HDAC9: variants seen among roughly 807,000 people sequenced by gnomAD.
The protein encoded by HDAC9 is MEF-2 interacting transcription repressor (MITR) protein.
In HDAC9, 41 loss-of-function variants were observed where a neutral mutation model predicts 139.4. The observed-to-expected ratio is 0.29, with a 90% confidence interval of 0.23 to 0.38. The LOEUF is 0.38. Ranked by LOEUF, HDAC9 falls within the 10% of genes least tolerant of loss-of-function variation. HDAC9 has a pLI of 1.00. For synonymous variants in HDAC9, 517 were observed against 476.2 expected (o/e 1.09, Z -1.12); for missense variants, 1,147 against 1,297.0 (o/e 0.88, Z 1.78).
chr7:18,860,188 A>C (rs1173404062), intron 21 of HDAC9, among the ~76,000 whole-genome samples: 1 of 152,006 alleles, frequency 6.6e-6, no homozygotes, highest in Non-Finnish European at 1.5e-5. Flanking sequence ...TAAGTTTCCA[A>C]AGTGCACGTG....
intron 1 of HDAC9, among the ~76,000 whole-genome samples, chr7:18,370,324 G>T (rs1784499930): frequency 6.6e-6 from 1 of 152,048 alleles, no homozygotes; most frequent in African/African-American, 2.4e-5. Context: ...GGATTTTGAT[G>T]TTTTGCCATA....
chr7:18,282,669 G>A lies in HDAC9; in HGVS notation c.25+120320G>A, dbSNP rs1797175182. Among the ~76,000 whole-genome samples, 3 of 152,256 alleles carry A rather than the reference G, an allele frequency of 2.0e-5. No individual in the cohort carries two copies. In the South Asian group the frequency reaches 6.2e-4, roughly 32 times the overall value. On this transcript the variant is annotated intron_variant, in intron 2 of 12. Transcript: ENST00000417496. ...CATGTATTCCATGAGGCAAAAGGATGTTGCAATTGAACTTCACAGTGCATC... is the reference window on the plus strand; with the variant it reads ...CATGTATTCCATGAGGCAAAAGGATATTGCAATTGAACTTCACAGTGCATC...
intron 22 of HDAC9, among the ~76,000 whole-genome samples, chr7:18,903,552 T>A (rs1801925426): frequency 6.6e-6 from 1 of 152,254 alleles, no homozygotes. Flanking sequence ...TAACTCTTTT[T>A]TACCATCGTT....
intron 12 of HDAC9, among the ~76,000 whole-genome samples, chr7:18,716,342 GA>G (rs1475999510): frequency 3.3e-5 from 5 of 152,144 alleles, no homozygotes; most frequent in African/African-American, 4.8e-5. Context: ...AATGAAGGAA[GA>G]AAAATATAAT....
chr7:18,623,855 C>T (rs566535576), intron 6 of HDAC9, among the ~76,000 whole-genome samples: 1 of 152,212 alleles, frequency 6.6e-6, no homozygotes, highest in Admixed American at 6.5e-5. Flanking sequence ...GGCAGAATTG[C>T]TTGAACCCAG....
intron 1 of HDAC9, among the ~76,000 whole-genome samples, chr7:18,372,432 G>C (rs1253447012): frequency 1.3e-5 from 2 of 152,200 alleles, no homozygotes; most frequent in African/African-American, 4.8e-5. Flanking sequence ...GAGCTGGTGA[G>C]ACAAGGTAGT....
At chr7:18,825,805 CAT>C (rs1331085940) in intron 17 of HDAC9, among the ~76,000 whole-genome samples, 1 of 147,954 alleles carries the variant, frequency 6.8e-6, no homozygotes, top group Non-Finnish European at 1.5e-5. Flanking sequence ...CATATATACA[CAT>C]ATAAACAAAT....
chr7:18,231,794 A>C (rs962129329), intron 2 of HDAC9, among the ~76,000 whole-genome samples: 1 of 152,180 alleles, frequency 6.6e-6, no homozygotes, highest in African/African-American at 2.4e-5. Flanking sequence ...GGACTTGTTA[A>C]TTTAACTATT....
chr7:18,630,698 A>G (rs1435359964), intron 7 of HDAC9, among the ~76,000 whole-genome samples: 1 of 152,166 alleles, frequency 6.6e-6, no homozygotes. Flanking sequence ...AACATTAAAT[A>G]TAATCACTAA....
chr7:18,515,319 A>T (rs1276750258), intron 2 of HDAC9, among the ~76,000 whole-genome samples: 1 of 152,204 alleles, frequency 6.6e-6, no homozygotes, highest in African/African-American at 2.4e-5. Context: ...TCACTGAAGT[A>T]TTCACTTCGT....
At chr7:18,740,748 C>T (rs1787373106) in intron 13 of HDAC9, among the ~76,000 whole-genome samples, 1 of 152,182 alleles carries the variant, frequency 6.6e-6, no homozygotes, top group Admixed American at 6.5e-5. Context: ...CTGAGATAGG[C>T]AAAAGCTGGG....
At chr7:18,387,135 T>C (rs990641509) in intron 1 of HDAC9, among the ~76,000 whole-genome samples, 3 of 152,182 alleles carry the variant, frequency 2.0e-5, no homozygotes, top group African/African-American at 7.2e-5. Flanking sequence ...AAAGAGGGCT[T>C]GTCTCTCTTT....
intron 2 of HDAC9, among the ~76,000 whole-genome samples, chr7:18,214,594 A>G (rs760073215): frequency 1.3e-5 from 2 of 152,108 alleles, no homozygotes; most frequent in Non-Finnish European, 2.9e-5. Context: ...GATGGGTAGT[A>G]ATTGAAGAAA....
chr7:18,962,211 G>T (rs963211419), intron 24 of HDAC9, among the ~76,000 whole-genome samples: 5 of 152,150 alleles, frequency 3.3e-5, no homozygotes, highest in African/African-American at 9.6e-5. Flanking sequence ...GCTGCTATTT[G>T]TCATATATTC....
At chr7:18,760,855 G>A (rs1179105753) in intron 14 of HDAC9, among the ~76,000 whole-genome samples, 1 of 152,186 alleles carries the variant, frequency 6.6e-6, no homozygotes, top group African/African-American at 2.4e-5. Flanking sequence ...TGCCCCTTCA[G>A]TGAACCACAC....
chr7:18,260,546 C>T (rs975476927), intron 2 of HDAC9: 1 of 154,104 alleles, frequency 6.5e-6, no homozygotes, highest in African/African-American at 2.4e-5. Context: ...GTCTCGATCT[C>T]CTGACCTCAT....
At chr7:18,764,951 A>G (rs1584997722) in intron 15 of HDAC9, among the ~76,000 whole-genome samples, 2 of 152,254 alleles carry the variant, frequency 1.3e-5, no homozygotes, top group Middle Eastern at 3.4e-3. Context: ...AATGAACATC[A>G]TTTATCTCTT....
chr7:18,111,296 T>G (rs1783606115), intron 1 of HDAC9, among the ~76,000 whole-genome samples: 1 of 152,196 alleles, frequency 6.6e-6, no homozygotes, highest in South Asian at 2.1e-4. Context: ...GATTTGAGGA[T>G]GATTGGTGAG....
chr7:18,222,295 A>G (rs1792757672), intron 2 of HDAC9, among the ~76,000 whole-genome samples: 1 of 152,128 alleles, frequency 6.6e-6, no homozygotes, highest in Non-Finnish European at 1.5e-5. Flanking sequence ...GGCTCTTTTA[A>G]TTGTAGTTCT....
Sources: gnomAD v4.1 joint callset for allele counts (sites outside exome capture counted in the v4.1 genomes callset) on GRCh38, gnomAD v4.1.1 for gene constraint, MANE v1.5 for transcripts, NCBI Gene and HGNC (gene_info 2026-07-23, HGNC 2026-07-21) for gene names.